The following EYS variants were observed in gnomAD, a reference collection of about 807,000 sequenced individuals.
EYS encodes the protein protein eyes shut homolog.
Under a neutral mutation model 282.1 loss-of-function variants are expected in EYS, and 250 were observed. The observed-to-expected ratio is 0.89, with a 90% confidence interval of 0.80 to 0.98. The LOEUF is 0.98. Ranked by LOEUF, EYS falls within the 50% of genes least tolerant of loss-of-function variation. EYS has a pLI of 0.00. For synonymous variants in EYS, 1,355 were observed against 1,282.9 expected (o/e 1.06, Z -1.20); for missense variants, 4,016 against 3,709.0 (o/e 1.08, Z -2.15).
At chr6:63,861,289 C>G (rs75391228) in intron 36 of EYS, among the ~76,000 whole-genome samples, 2 of 152,202 alleles carry the variant, frequency 1.3e-5, no homozygotes, top group African/African-American at 4.8e-5. Flanking sequence ...CACACTCTTC[C>G]CAGCAAGTTC....
chr6:63,841,254 C>T (rs1771949716), intron 36 of EYS, among the ~76,000 whole-genome samples: 1 of 152,026 alleles, frequency 6.6e-6, no homozygotes, highest in Non-Finnish European at 1.5e-5. Context: ...AATCAGTAAT[C>T]ATTTCTATAT....
At chr6:64,302,210 C>T (rs1480419930) in intron 30 of EYS, among the ~76,000 whole-genome samples, 2 of 152,184 alleles carry the variant, frequency 1.3e-5, no homozygotes, top group Admixed American at 1.3e-4. Context: ...CACATCAATT[C>T]TTCCACCAAA....
intron 7 of EYS, among the ~76,000 whole-genome samples, chr6:65,401,656 A>G (rs1225703715): frequency 6.6e-6 from 1 of 151,858 alleles, no homozygotes; most frequent in African/African-American, 2.4e-5. Context: ...TTTAAAAAAA[A>G]TCTTTAAATT....
At chr6:65,109,492 A>G (rs918778392) in intron 12 of EYS, among the ~76,000 whole-genome samples, 1 of 152,018 alleles carries the variant, frequency 6.6e-6, no homozygotes, top group African/African-American at 2.4e-5. Flanking sequence ...TTGTCATTAC[A>G]AGAGTTGTCT....
At chr6:64,814,617 A>G (rs1764693359) in intron 21 of EYS, among the ~76,000 whole-genome samples, 1 of 152,072 alleles carries the variant, frequency 6.6e-6, no homozygotes, top group South Asian at 2.1e-4. Flanking sequence ...AACACATGTC[A>G]TAGTACCACA....
chr6:65,286,862 T>C (rs1458340266), intron 12 of EYS, among the ~76,000 whole-genome samples: 1 of 151,690 alleles, frequency 6.6e-6, no homozygotes, highest in African/African-American at 2.4e-5. Context: ...AATGGGGTTT[T>C]AGTTTTGTAT....
At chr6:64,844,169 A>G (rs1765648540) in intron 19 of EYS, among the ~76,000 whole-genome samples, 1 of 152,144 alleles carries the variant, frequency 6.6e-6, no homozygotes. Context: ...CAGCAGCATG[A>G]AAATGGACTA....
At chr6:63,878,597 G>A (rs1221990566) in intron 35 of EYS, among the ~76,000 whole-genome samples, 1 of 152,202 alleles carries the variant, frequency 6.6e-6, no homozygotes, top group East Asian at 1.9e-4. Flanking sequence ...GAAGCAGGCA[G>A]GCCTCCTTGA....
At chr6:64,008,227 A>G (rs1768442003) in intron 33 of EYS, among the ~76,000 whole-genome samples, 3 of 152,106 alleles carry the variant, frequency 2.0e-5, no homozygotes, top group African/African-American at 4.8e-5. Flanking sequence ...CCATTATGTA[A>G]TAAGTTTATT....
chr6:64,401,526 T>A (rs914279975), intron 28 of EYS, among the ~76,000 whole-genome samples: 1 of 152,006 alleles, frequency 6.6e-6, no homozygotes, highest in South Asian at 2.1e-4. Context: ...GAAGACACAC[T>A]TTTTTTATTG....
intron 28 of EYS, among the ~76,000 whole-genome samples, chr6:64,407,898 A>G (rs1773772186): frequency 6.6e-6 from 1 of 151,832 alleles, no homozygotes; most frequent in African/African-American, 2.4e-5. Flanking sequence ...CGCCCAGCTA[A>G]TTTTTTGTAT....
At chr6:65,597,380 GA>G (rs755496851) in intron 2 of EYS, among the ~76,000 whole-genome samples, 1 of 152,034 alleles carries the variant, frequency 6.6e-6, no homozygotes, top group Non-Finnish European at 1.5e-5. Context: ...ATAATTCAAA[GA>G]GTTCACAGTA....
At chr6:65,450,422 G>C (rs948573324) in intron 5 of EYS, among the ~76,000 whole-genome samples, 3 of 152,152 alleles carry the variant, frequency 2.0e-5, no homozygotes, top group African/African-American at 4.8e-5. Flanking sequence ...GATTCTCTGG[G>C]AATCAGATGT....
intron 30 of EYS, among the ~76,000 whole-genome samples, chr6:64,257,154 C>G (rs1922963): frequency 0.69 from 104,413 of 151,786 alleles, 35,939 homozygotes; most frequent in South Asian, 0.71. Flanking sequence ...ATTCTCTCTG[C>G]CATTTAGAAC....
At chr6:64,102,586 T>C (rs529017533) in intron 31 of EYS, among the ~76,000 whole-genome samples, 1 of 152,282 alleles carries the variant, frequency 6.6e-6, no homozygotes, top group African/African-American at 2.4e-5. Context: ...AAGAGAATAT[T>C]TTTCAAAATC....
intron 29 of EYS, among the ~76,000 whole-genome samples, chr6:64,385,494 T>C (rs770566058): frequency 6.6e-6 from 1 of 152,220 alleles, no homozygotes; most frequent in Non-Finnish European, 1.5e-5. Context: ...AAATACTGAA[T>C]GTTCCTCCAA....
At chr6:65,118,444 G>A (rs1206485653) in intron 12 of EYS, among the ~76,000 whole-genome samples, 11 of 152,148 alleles carry the variant, frequency 7.2e-5, no homozygotes, top group Admixed American at 4.6e-4. Context: ...TTGTTAATGA[G>A]ACAAGAAACA....
intron 5 of EYS, among the ~76,000 whole-genome samples, chr6:65,424,583 C>G (rs1438585866): frequency 6.6e-6 from 1 of 151,966 alleles, no homozygotes; most frequent in Non-Finnish European, 1.5e-5. Flanking sequence ...TACATCAAAT[C>G]TAACTCATTT....
chr6:64,452,863 A>G (rs1186084584), intron 26 of EYS, among the ~76,000 whole-genome samples: 1 of 152,204 alleles, frequency 6.6e-6, no homozygotes, highest in Non-Finnish European at 1.5e-5. Flanking sequence ...TTAATTCAAG[A>G]TGGATTAAAG....
Sources: gnomAD v4.1 joint callset for allele counts (sites outside exome capture counted in the v4.1 genomes callset) on GRCh38, gnomAD v4.1.1 for gene constraint, MANE v1.5 for transcripts, NCBI Gene and HGNC (gene_info 2026-07-23, HGNC 2026-07-21) for gene names.